The following GALNTL6 variants were observed in gnomAD, a reference collection of about 807,000 sequenced individuals.
The protein encoded by GALNTL6 is polypeptide N-acetylgalactosaminyltransferase-like 6.
GALNTL6 carries 46 observed loss-of-function variants against 73.7 expected under a neutral mutation model. The ratio of observed to expected loss-of-function variants is 0.62; its 90% CI spans 0.49 to 0.80. The LOEUF (loss-of-function observed/expected upper bound fraction) is 0.80. Ranked by LOEUF, GALNTL6 falls within the 30% of genes least tolerant of loss-of-function variation. The probability of loss-of-function intolerance (pLI) is 0.00; values close to 1 mark genes in which losing one functional copy is unlikely to be tolerated. For missense variants in GALNTL6, 604 were observed against 755.0 expected (o/e 0.80, Z 2.34); for synonymous variants, 259 against 263.7 (o/e 0.98, Z 0.17).
chr4:172,281,866 A>C (rs1016927672), intron 3 of GALNTL6, among the ~76,000 whole-genome samples: 2 of 151,960 alleles, frequency 1.3e-5, no homozygotes, highest in Admixed American at 6.6e-5. Flanking sequence ...TGGGGCATGG[A>C]CATCTTTGGG....
At chr4:172,970,904 T>C (rs1217656580) in intron 10 of GALNTL6, among the ~76,000 whole-genome samples, 4 of 152,204 alleles carry the variant, frequency 2.6e-5, no homozygotes, top group Admixed American at 2.6e-4. Context: ...GGGGAACTGA[T>C]AAATGTCCAT....
intron 5 of GALNTL6, among the ~76,000 whole-genome samples, chr4:172,642,422 C>CCT (rs1740030935): frequency 6.6e-6 from 1 of 151,938 alleles, no homozygotes; most frequent in Admixed American, 6.6e-5. Flanking sequence ...GAAATCCTGT[C>CCT]ATTTGCAACA....
chr4:171,904,279 C>G (rs1435479164), intron 2 of GALNTL6, among the ~76,000 whole-genome samples: 1 of 151,894 alleles, frequency 6.6e-6, no homozygotes, highest in Admixed American at 6.5e-5. Context: ...CTAGAGTAAC[C>G]AATACAGAGA....
At chr4:172,567,844 A>G (rs1736615194) in intron 5 of GALNTL6, among the ~76,000 whole-genome samples, 1 of 152,200 alleles carries the variant, frequency 6.6e-6, no homozygotes, top group African/African-American at 2.4e-5. Context: ...TCTCAAAAAA[A>G]AAATTGTCAA....
chr4:172,665,135 C>T (rs1731588350), intron 5 of GALNTL6, among the ~76,000 whole-genome samples: 2 of 152,200 alleles, frequency 1.3e-5, no homozygotes, highest in African/African-American at 4.8e-5. Context: ...TACTTCCAAA[C>T]TTCCCTTGCC....
intron 5 of GALNTL6, among the ~76,000 whole-genome samples, chr4:172,428,149 T>G (rs1731297345): frequency 6.6e-6 from 1 of 152,114 alleles, no homozygotes; most frequent in African/African-American, 2.4e-5. Flanking sequence ...AACCAAAATT[T>G]TTAGTATAAC....
At chr4:172,634,538 T>C (rs1186135509) in intron 5 of GALNTL6, among the ~76,000 whole-genome samples, 1 of 152,146 alleles carries the variant, frequency 6.6e-6, no homozygotes, top group Non-Finnish European at 1.5e-5. Context: ...CCTGGGTCCC[T>C]ATAGGCACTT....
chr4:173,034,964 G>C (rs921097044), intron 12 of GALNTL6, among the ~76,000 whole-genome samples: 1 of 151,960 alleles, frequency 6.6e-6, no homozygotes, highest in Non-Finnish European at 1.5e-5. Context: ...TGTTGAATAA[G>C]TTGAATGCAT....
At chr4:172,487,011 G>A (rs1313622187) in intron 5 of GALNTL6, among the ~76,000 whole-genome samples, 1 of 152,152 alleles carries the variant, frequency 6.6e-6, no homozygotes, top group Non-Finnish European at 1.5e-5. Flanking sequence ...TTTGTACAAT[G>A]CTATCTATAT....
intron 5 of GALNTL6, among the ~76,000 whole-genome samples, chr4:172,556,330 A>G (rs1214732191): frequency 6.6e-6 from 1 of 152,014 alleles, no homozygotes; most frequent in African/African-American, 2.4e-5. Flanking sequence ...TTTGGATGCC[A>G]TGAAATATCC....
chr4:171,990,641 AT>A (rs1400308567), intron 2 of GALNTL6, among the ~76,000 whole-genome samples: 1 of 152,230 alleles, frequency 6.6e-6, no homozygotes. Context: ...ATGAGCATGC[AT>A]ACAAAAATTC....
chr4:171,829,055 C>G (rs1223558951), intron 2 of GALNTL6, among the ~76,000 whole-genome samples: 3 of 152,120 alleles, frequency 2.0e-5, no homozygotes, highest in Non-Finnish European at 2.9e-5. Context: ...GGTAAAGCCA[C>G]TGGTCAAAAG....
chr4:172,149,562 G>A (rs1394663398), intron 2 of GALNTL6, among the ~76,000 whole-genome samples: 2 of 151,866 alleles, frequency 1.3e-5, no homozygotes, highest in Non-Finnish European at 1.5e-5. Context: ...CTTATCTCTG[G>A]GCCTCTGTTT....
At chr4:171,926,000 C>A (rs1391573834) in intron 2 of GALNTL6, among the ~76,000 whole-genome samples, 3 of 141,818 alleles carry the variant, frequency 2.1e-5, no homozygotes, top group Non-Finnish European at 4.6e-5. Flanking sequence ...TGAAATTTTA[C>A]AAAAATATTA....
At chr4:172,493,748 TG>T (rs1314981895) in intron 5 of GALNTL6, among the ~76,000 whole-genome samples, 1 of 152,208 alleles carries the variant, frequency 6.6e-6, no homozygotes, top group Non-Finnish European at 1.5e-5. Flanking sequence ...GAAAGCTTCA[TG>T]GAAGTATTGC....
chr4:171,923,786 C>CTCTGTGTGTGTGTGTGTG lies in GALNTL6; in HGVS notation c.138+109069_138+109070insCTGTGTGTGTGTGTGTGT, dbSNP rs1189195927. On this transcript the variant is annotated intron_variant, in intron 2 of 12. Transcript: ENST00000506823. ...CTACCAGGACACACAAAAAGTATTG[C>CTCTGTGTGTGTGTGTGTG]TGTGTGTGTGTGTGTGTGTGTGTGT... 8.9e-4 allele frequency among the ~76,000 whole-genome samples: 119 copies of CTCTGTGTGTGTGTGTGTG among 133,288 alleles called. 1 individual carries two copies. The highest frequency in any genetic ancestry group is 3.2e-3 in the African/African-American group (111 of 34,266). The allele number at this position is 133,288 out of a possible 152,430, so 87.4% of individuals were successfully genotyped here.
intron 2 of GALNTL6, among the ~76,000 whole-genome samples, chr4:172,134,972 A>G (rs1371774165): frequency 6.6e-6 from 1 of 152,126 alleles, no homozygotes; most frequent in East Asian, 1.9e-4. Context: ...ACCTAACTAC[A>G]AAGAGGGCTG....
At chr4:172,437,618 A>G (rs1731680239) in intron 5 of GALNTL6, among the ~76,000 whole-genome samples, 1 of 152,170 alleles carries the variant, frequency 6.6e-6, no homozygotes, top group Non-Finnish European at 1.5e-5. Flanking sequence ...CTGTTAAGAA[A>G]TAGTACAGAT....
chr4:172,020,571 A>T (rs1741366694), intron 2 of GALNTL6, among the ~76,000 whole-genome samples: 2 of 151,954 alleles, frequency 1.3e-5, no homozygotes, highest in Non-Finnish European at 2.9e-5. Context: ...TAGAAATTGA[A>T]AAATTCCCAA....
Sources: allele counts gnomAD v4.1 joint callset (sites outside exome capture counted in the v4.1 genomes callset), GRCh38; gene constraint gnomAD v4.1.1; transcripts MANE v1.5; gene names NCBI Gene and HGNC (gene_info 2026-07-23, HGNC 2026-07-21).